The following SNTG1 variants were observed in gnomAD, a reference collection of about 807,000 sequenced individuals.
SNTG1 encodes the protein syntrophin gamma 1.
Under a neutral mutation model 74.7 loss-of-function variants are expected in SNTG1, and 39 were observed. That is an observed-to-expected ratio of 0.52 (90% CI 0.40 to 0.68). The LOEUF is 0.68. Among genes scored for constraint, SNTG1 ranks in the 30% least tolerant of loss-of-function variants. The probability of loss-of-function intolerance (pLI) is 0.00; values close to 1 mark genes in which losing one functional copy is unlikely to be tolerated. For missense variants in SNTG1, 685 were observed against 609.5 expected (o/e 1.12, Z -1.30); for synonymous variants, 254 against 217.1 (o/e 1.17, Z -1.49).
At chr8:50,537,585 T>C (rs755922396) in intron 11 of SNTG1, among the ~76,000 whole-genome samples, 1 of 152,138 alleles carries the variant, frequency 6.6e-6, no homozygotes, top group African/African-American at 2.4e-5. Flanking sequence ...TTTGGGACTT[T>C]CTTGAATCTC....
chr8:50,777,848 C>T (rs2095645627), intron 18 of SNTG1, among the ~76,000 whole-genome samples: 1 of 152,026 alleles, frequency 6.6e-6, no homozygotes, highest in Non-Finnish European at 1.5e-5. Context: ...GCTATCCCTC[C>T]CCTGTCCCCC....
rs201774604 is a variant in SNTG1, at chr8:50,730,898, GA to G, written c.1285-21097del. Among the ~76,000 whole-genome samples the G allele has an allele frequency of 7.6e-4, 116 of 152,088 alleles. 1 individual carries two copies. In the East Asian group the frequency reaches 0.02, roughly 27 times the overall value. On this transcript the variant is annotated intron_variant, in intron 17 of 18. Coordinates refer to ENST00000642720, the MANE Select transcript of SNTG1 (RefSeq NM_018967.5). Reference sequence around the variant, plus strand: ...ACTAAACTAGTTTGAAATAATAGAGGAAAAAACTTTGCAATCTACAAAGCGA... The same window carrying G: ...ACTAAACTAGTTTGAAATAATAGAGGAAAAACTTTGCAATCTACAAAGCGA...
intron 13 of SNTG1, among the ~76,000 whole-genome samples, chr8:50,628,719 G>A (rs1294238925): frequency 6.6e-6 from 1 of 151,850 alleles, no homozygotes; most frequent in African/African-American, 2.4e-5. Context: ...TCTCTTACTT[G>A]TGGTCTTTAA....
chr8:50,113,681 T>G (rs536080789), intron 1 of SNTG1, among the ~76,000 whole-genome samples: 1 of 152,296 alleles, frequency 6.6e-6, no homozygotes, highest in Non-Finnish European at 1.5e-5. Flanking sequence ...AGGGAATGCT[T>G]CCAGTTTTTG....
At chr8:50,738,880 A>G (rs2095535731) in intron 17 of SNTG1, among the ~76,000 whole-genome samples, 1 of 151,964 alleles carries the variant, frequency 6.6e-6, no homozygotes, top group South Asian at 2.1e-4. Flanking sequence ...CTGAAACTGG[A>G]CCCCCTTTTT....
intron 1 of SNTG1, among the ~76,000 whole-genome samples, chr8:50,069,487 T>C (rs1821171124): frequency 6.6e-6 from 1 of 151,782 alleles, no homozygotes; most frequent in Admixed American, 6.6e-5. Context: ...GTGTTTAAAA[T>C]TGTTTATTGC....
intron 2 of SNTG1, among the ~76,000 whole-genome samples, chr8:50,207,481 G>C (rs1318947994): frequency 1.3e-5 from 2 of 151,876 alleles, no homozygotes; most frequent in African/African-American, 2.4e-5. Flanking sequence ...TCTTGCTAGT[G>C]GTTTATCGAT....
intron 4 of SNTG1, among the ~76,000 whole-genome samples, chr8:50,420,651 G>T (rs574908667): frequency 2.6e-5 from 4 of 152,080 alleles, no homozygotes; most frequent in African/African-American, 9.6e-5. Context: ...TTAAAGTAAG[G>T]GTGATGGTTC....
chr8:50,141,811 G>T (rs1334614709), intron 1 of SNTG1, among the ~76,000 whole-genome samples: 1 of 151,952 alleles, frequency 6.6e-6, no homozygotes, highest in African/African-American at 2.4e-5. Context: ...CATATCTCAT[G>T]ATAAAGATTC....
In SNTG1 at chr8:50,030,813, C is replaced by T. The variant is rs1037041598; in HGVS notation, c.-103+118582C>T. On this transcript the variant is annotated intron_variant, in intron 1 of 18. Coordinates refer to ENST00000642720, the MANE Select transcript of SNTG1 (RefSeq NM_018967.5). ...ATTCTTCTTTTCAAAATTGCTTTAG[C>T]TATTCTTAAATCATTGCCTGTCCAT... Among the ~76,000 whole-genome samples, 20 of 151,942 alleles carry T rather than the reference C, an allele frequency of 1.3e-4. 1 individual carries two copies. Among genetic ancestry groups the T allele is most frequent in the African/African-American group, 4.6e-4 (19 of 41,514 alleles).
intron 12 of SNTG1, among the ~76,000 whole-genome samples, chr8:50,582,434 A>G (rs1253840672): frequency 1.3e-5 from 2 of 152,096 alleles, no homozygotes; most frequent in Non-Finnish European, 2.9e-5. Context: ...CAGTTATTAG[A>G]TACTGATAAG....
chr8:50,180,422 G>T (rs2131708457), intron 2 of SNTG1, among the ~76,000 whole-genome samples: 1 of 152,178 alleles, frequency 6.6e-6, no homozygotes, highest in South Asian at 2.1e-4. Flanking sequence ...TAGACTTTAG[G>T]TGTGCTTACC....
chr8:49,945,605 A>G (rs1247615685), intron 1 of SNTG1, among the ~76,000 whole-genome samples: 1 of 152,188 alleles, frequency 6.6e-6, no homozygotes, highest in Non-Finnish European at 1.5e-5. Context: ...TGCAGGACTC[A>G]GTCTTCCTGC....
chr8:50,517,808 A>C (rs2094146958), intron 9 of SNTG1, among the ~76,000 whole-genome samples: 1 of 152,152 alleles, frequency 6.6e-6, no homozygotes, highest in African/African-American at 2.4e-5. Flanking sequence ...TCATAAGGCA[A>C]ATTCTTGGAG....
At chr8:50,173,720 G>A (rs2082889220) in intron 2 of SNTG1, among the ~76,000 whole-genome samples, 2 of 152,126 alleles carry the variant, frequency 1.3e-5, no homozygotes, top group African/African-American at 4.8e-5. Context: ...AGACATGGAA[G>A]CCACATTGTG....
intron 15 of SNTG1, among the ~76,000 whole-genome samples, chr8:50,699,782 A>G (rs2095417366): frequency 6.6e-6 from 1 of 152,236 alleles, no homozygotes; most frequent in African/African-American, 2.4e-5. Context: ...AGAGCAAGCC[A>G]TAGAAGGCAA....
chr8:50,287,755 T>C (rs150881318), intron 2 of SNTG1, among the ~76,000 whole-genome samples: 82 of 152,302 alleles, frequency 5.4e-4, no homozygotes, highest in African/African-American at 1.6e-3. Flanking sequence ...CCAGTTCACT[T>C]GCTCCCCAAG....
intron 2 of SNTG1, among the ~76,000 whole-genome samples, chr8:50,329,482 G>A (rs756238440): frequency 9.2e-5 from 14 of 151,976 alleles, no homozygotes; most frequent in Admixed American, 2.0e-4. Flanking sequence ...GTACCTGCAG[G>A]CAAAACACCA....
chr8:50,602,809 G>A (rs555848850), intron 13 of SNTG1, among the ~76,000 whole-genome samples: 2 of 151,364 alleles, frequency 1.3e-5, no homozygotes, highest in Non-Finnish European at 2.9e-5. Flanking sequence ...TTCCTTCATC[G>A]CTTTAAACAT....
Sources: allele counts gnomAD v4.1 joint callset (sites outside exome capture counted in the v4.1 genomes callset), GRCh38; gene constraint gnomAD v4.1.1; transcripts MANE v1.5; gene names NCBI Gene and HGNC (gene_info 2026-07-23, HGNC 2026-07-21).